The following IFI16 variants were observed in gnomAD, a reference collection of about 807,000 sequenced individuals.
IFI16 encodes gamma-interferon-inducible protein 16.
IFI16 carries 49 observed loss-of-function variants against 68.4 expected under a neutral mutation model. The observed-to-expected ratio is 0.72, with a 90% CI of 0.57 to 0.91. IFI16 has a LOEUF of 0.91. Ranked by LOEUF, IFI16 falls within the 40% of genes least tolerant of loss-of-function variation. The pLI is 0.00. For synonymous variants in IFI16, 307 were observed against 315.0 expected, an observed-to-expected ratio of 0.97 and a Z score of 0.27; for missense variants, 878 against 942.9, an observed-to-expected ratio of 0.93 and a Z score of 0.90.
At chr1:159,029,468 C>T (rs886710727) in intron 6 of IFI16, among the ~76,000 whole-genome samples, 5 of 152,124 alleles carry the variant, frequency 3.3e-5, no homozygotes, top group Admixed American at 6.5e-5. Flanking sequence ...TGTGCCTAGG[C>T]GATGATCTTT....
At chr1:159,025,974 T>C (rs1338375064) in intron 6 of IFI16, among the ~76,000 whole-genome samples, 2 of 152,230 alleles carry the variant, frequency 1.3e-5, no homozygotes, top group African/African-American at 4.8e-5. Flanking sequence ...AAAGATCAGT[T>C]GGCTGTAAGT....
intron 9 of IFI16, among the ~76,000 whole-genome samples, chr1:159,051,469 A>G (rs1170317201): frequency 6.6e-6 from 1 of 152,176 alleles, no homozygotes; most frequent in Admixed American, 6.5e-5. Flanking sequence ...TCATAAAACA[A>G]TGAAGATAAT....
Position 159,051,735 on chromosome 1 carries a change from G to A in IFI16, c.1722G>A (p.Gln574=), listed in dbSNP as rs779668092. The change falls in exon 10 of 12, where the codon CAG becomes CAA. Residue 574 remains glutamine, a synonymous_variant. Coordinates refer to ENST00000295809, the MANE Select transcript of IFI16 (RefSeq NM_001376587.1). ...AAGTTTCCATAGAAGACAGTGCCCA[G>A]AGTGACCTCAAAGAAGTGATGGTGC... is the stretch of plus-strand genomic sequence containing the variant. ...PEEVSIEDSA[Q]SDLKEVMVLN... 1.2e-6 allele frequency: 2 copies of A among 1,613,934 alleles called. No homozygotes were observed. Among genetic ancestry groups the A allele is most frequent in the Admixed American group, 1.7e-5 (1 of 60,004 alleles).
rs750351570 is a variant in IFI16, at chr1:159,024,992, G to GT, written c.1161+4474dup. ...AAAATAGGGTCCTTCCCAGGCTCGA[G>GT]TTTTTTTTTTTAATCTTTTTTCATC... is the stretch of plus-strand genomic sequence containing the variant. On this transcript the variant is annotated intron_variant, in intron 6 of 11. Transcript: ENST00000295809. 7.3e-3 allele frequency among the ~76,000 whole-genome samples: 1,068 copies of GT among 146,798 alleles called. 3 individuals carry two copies. Among genetic ancestry groups the GT allele is most frequent in the Middle Eastern group, 0.018 (5 of 282 alleles).
chr1:159,053,226 T>C (rs867763662), intron 10 of IFI16: 1 of 209,814 alleles, frequency 4.8e-6, no homozygotes, highest in Non-Finnish European at 9.4e-6. Flanking sequence ...GATTTTTCTG[T>C]ATCCAGGCTC....
At chr1:159,011,475 GTATA>G (rs912621606) in intron 1 of IFI16, among the ~76,000 whole-genome samples, 4 of 151,630 alleles carry the variant, frequency 2.6e-5, no homozygotes, top group African/African-American at 9.7e-5. Context: ...ACAAATATAT[GTATA>G]TATAATCATG....
intron 6 of IFI16, among the ~76,000 whole-genome samples, chr1:159,027,379 G>A (rs145754116): frequency 6.6e-6 from 1 of 152,056 alleles, no homozygotes; most frequent in African/African-American, 2.4e-5. Context: ...GTATGAAACC[G>A]ACTTGATCAT....
At chr1:159,025,307 T>TA (rs1653590892) in intron 6 of IFI16, among the ~76,000 whole-genome samples, 1 of 152,172 alleles carries the variant, frequency 6.6e-6, no homozygotes, top group African/African-American at 2.4e-5. Context: ...CATTGTGACT[T>TA]ACCTGGCCAC....
chr1:159,004,979 A>C (rs1425588104), upstream of IFI16, among the ~76,000 whole-genome samples: 2 of 152,246 alleles, frequency 1.3e-5, no homozygotes, highest in African/African-American at 2.4e-5. Flanking sequence ...CCCTTCAAAA[A>C]TAATGTTGAA....
Position 159,018,440 on chromosome 1 carries a change from A to T in IFI16, c.761A>T (p.Asn254Ile). The T allele has an allele frequency of 6.2e-7, 1 of 1,613,780 alleles. No individual in the cohort carries two copies. ...VLNTSLKEKF[N>I]GKKIIIISDY... is the part of the protein sequence containing the mutation. The stretch of plus-strand genomic sequence containing the variant: ...AACACCAGCTTGAAGGAGAAATTCA[A>T]TGGAAAGAAAATCATCATCATATCA... The change falls in exon 5 of 12, where the codon AAT (asparagine) becomes ATT (isoleucine). Residue 254 changes from asparagine (N) to isoleucine (I), a missense_variant. Physicochemically the swap from Asn to Ile is moderately radical, Grantham distance 149. Around this residue, in one of 4 missense-constraint regions of IFI16, gnomAD observed 443 missense variants for 421.8 expected, o/e 1.05. Coordinates refer to ENST00000295809, the MANE Select transcript of IFI16 (RefSeq NM_001376587.1).
intron 7 of IFI16, among the ~76,000 whole-genome samples, chr1:159,041,653 A>G (rs1654651499): frequency 6.6e-6 from 1 of 152,208 alleles, no homozygotes; most frequent in Admixed American, 6.5e-5. Context: ...CAACACAGAT[A>G]GATCCAAGAA....
chr1:159,020,251 C>A, intron 5 of IFI16, 90 bp from the exon 6 acceptor site: 2 of 897,870 alleles, frequency 2.2e-6, no homozygotes, highest in Non-Finnish European at 3.5e-6. Context: ...TGTTGTGCAT[C>A]TTGTTTAACT....
rs1465695693 is a variant in IFI16, at chr1:159,042,320, A to G, written c.1330-2977A>G. ...CTTCTGCCATGTCTCCCTTAAAATA[A>G]ACAACAAAATGATTTGAATTATGAA... On this transcript the variant is annotated intron_variant, in intron 7 of 11. Transcript: ENST00000295809. Among the ~76,000 whole-genome samples, 3 of 2,060 alleles carry G rather than the reference A, an allele frequency of 1.5e-3. No individual in the cohort carries two copies. The Admixed American group carries it at 0.042, about 29-fold the overall frequency. The allele number at this position is 2,060 out of a possible 152,430, so 1.4% of individuals were successfully genotyped here.
Position 159,014,591 on chromosome 1 carries a change from C to G in IFI16, c.-20-70C>G, listed in dbSNP as rs1652802883. On this transcript the variant is annotated intron_variant, in intron 1 of 11. Transcript: ENST00000295809. ...AACTCTTTCATATGGGCCACTCACTCACATAGGCATACATCTTTTAAATTG... is the reference window on the plus strand; with the variant it reads ...AACTCTTTCATATGGGCCACTCACTGACATAGGCATACATCTTTTAAATTG... 3 of 1,020,130 alleles carry G rather than the reference C, an allele frequency of 2.9e-6. No individual in the cohort carries two copies. In the South Asian group the frequency reaches 5.5e-5, roughly 19 times the overall value. The allele number at this position is 1,020,130 out of a possible 1,614,324, so 63.2% of individuals were successfully genotyped here.
At chr1:159,042,433 C>T (rs1241179853) in intron 7 of IFI16, among the ~76,000 whole-genome samples, 3 of 152,130 alleles carry the variant, frequency 2.0e-5, no homozygotes, top group East Asian at 1.9e-4. Flanking sequence ...AGTTTCTTTG[C>T]GATCCTTTCT....
upstream of IFI16, among the ~76,000 whole-genome samples, chr1:159,007,815 A>G (rs1482283389): frequency 6.6e-6 from 1 of 152,142 alleles, no homozygotes; most frequent in East Asian, 1.9e-4. Flanking sequence ...TGATCTTGGA[A>G]CCCTCAGCAT....
intron 11 of IFI16, 145 bp from the exon 12 acceptor site, chr1:159,054,676 A>C: frequency 1.8e-6 from 1 of 543,032 alleles, no homozygotes. Context: ...ATTAAGGGAG[A>C]TAGATGAGAG....
Position 159,018,670 on chromosome 1 carries a change from T to G in IFI16, c.972+19T>G. The G allele has an allele frequency of 6.5e-7, 1 of 1,540,926 alleles. No individual in the cohort carries two copies. The highest frequency in any genetic ancestry group is 1.2e-5 in the South Asian group (1 of 83,270). ...ACATAAGGTAAGTCCTCAAAATTGT[T>G]TCGTTTCATTTTTCCACCAACACCT... is the stretch of plus-strand genomic sequence containing the variant. On this transcript the variant is annotated intron_variant, in intron 5 of 11. Coordinates refer to ENST00000295809, the MANE Select transcript of IFI16 (RefSeq NM_001376587.1).
At chr1:159,015,082 C>T (rs1652838589) in intron 2 of IFI16, 137 bp downstream of exon 2, 1 of 787,130 alleles carries the variant, frequency 1.3e-6, no homozygotes, top group Non-Finnish European at 2.1e-6. Flanking sequence ...AATGTTGGTA[C>T]TTCAGAGGCC....
Sources: gnomAD v4.1 joint callset for allele counts (sites outside exome capture counted in the v4.1 genomes callset) on GRCh38, gnomAD v4.1.1 for gene constraint, gnomAD v4.1.1 regional missense constraint, MANE v1.5 for transcripts, NCBI Gene and HGNC (gene_info 2026-07-23, HGNC 2026-07-21) for gene names.